CDH18: variants seen among roughly 807,000 people sequenced by gnomAD.
CDH18 encodes the protein cadherin 18.
CDH18 carries 31 observed loss-of-function variants against 67.9 expected under a neutral mutation model. The observed-to-expected ratio is 0.46, with a 90% CI of 0.34 to 0.62. The LOEUF is 0.62. Among genes scored for constraint, CDH18 ranks in the 20% least tolerant of loss-of-function variants. The probability of loss-of-function intolerance (pLI) is 0.01; values close to 1 mark genes in which losing one functional copy is unlikely to be tolerated. For synonymous variants in CDH18, 362 were observed against 347.2 expected, an observed-to-expected ratio of 1.04 and a Z score of -0.48; for missense variants, 890 against 975.5, an observed-to-expected ratio of 0.91 and a Z score of 1.17.
intron 2 of CDH18, among the ~76,000 whole-genome samples, chr5:20,179,638 A>C (rs1737524711): frequency 6.6e-6 from 1 of 152,154 alleles, no homozygotes; most frequent in South Asian, 2.1e-4. Flanking sequence ...CAGGGAGACA[A>C]GACATGGGAC....
chr5:19,783,056 G>A (rs1304323862), intron 3 of CDH18, among the ~76,000 whole-genome samples: 2 of 152,266 alleles, frequency 1.3e-5, no homozygotes, highest in African/African-American at 2.4e-5. Flanking sequence ...GATGTAAAAT[G>A]TATTTGAATG....
chr5:20,339,378 C>T lies in CDH18; in HGVS notation c.-579-83873G>A, dbSNP rs543031376. The stretch of plus-strand genomic sequence containing the variant: ...AACATGAGCGTAAATGGTCTGAGGT[C>T]CCATATGTATAAGCCTCCTTTGCTT... On this transcript the variant is annotated intron_variant, in intron 1 of 14. Transcript: ENST00000507958. 1.1e-4 allele frequency among the ~76,000 whole-genome samples: 16 copies of T among 152,192 alleles called. No homozygotes were observed. In the East Asian group the frequency reaches 3.1e-3, roughly 29 times the overall value.
intron 2 of CDH18, among the ~76,000 whole-genome samples, chr5:20,218,348 A>G (rs546437539): frequency 6.6e-6 from 1 of 152,148 alleles, no homozygotes; most frequent in East Asian, 1.9e-4. Flanking sequence ...ATAACTAGGA[A>G]TCAATAAAAT....
At chr5:20,007,611 A>T (rs1274648310) in intron 2 of CDH18, among the ~76,000 whole-genome samples, 1 of 151,854 alleles carries the variant, frequency 6.6e-6, no homozygotes, top group East Asian at 1.9e-4. Flanking sequence ...AGCAAGAGAG[A>T]GAGTAGCGGG....
chr5:19,995,043 C>T (rs1479831684), intron 2 of CDH18, among the ~76,000 whole-genome samples: 1 of 151,156 alleles, frequency 6.6e-6, no homozygotes, highest in African/African-American at 2.4e-5. Context: ...GATATTCCAG[C>T]TCAAGCAGAA....
chr5:19,475,170 C>T (rs1221498418), intron 12 of CDH18, among the ~76,000 whole-genome samples: 2 of 150,990 alleles, frequency 1.3e-5, no homozygotes, highest in Admixed American at 6.7e-5. Flanking sequence ...CTCAATTAAA[C>T]GTGAATTTGA....
chr5:20,480,419 G>A (rs1439175044), intron 1 of CDH18, among the ~76,000 whole-genome samples: 7 of 151,924 alleles, frequency 4.6e-5, no homozygotes, highest in Admixed American at 4.6e-4. Context: ...GAGTCTTTTT[G>A]TTTTTGTTTT....
chr5:20,022,069 G>T (rs1021679457), intron 2 of CDH18, among the ~76,000 whole-genome samples: 2 of 152,106 alleles, frequency 1.3e-5, no homozygotes, highest in African/African-American at 2.4e-5. Flanking sequence ...TAATCACAAT[G>T]TGTCTATTGT....
chr5:20,005,979 C>T (rs938945753), intron 2 of CDH18, among the ~76,000 whole-genome samples: 3 of 151,882 alleles, frequency 2.0e-5, no homozygotes, highest in Non-Finnish European at 4.4e-5. Context: ...TGGGCATTAA[C>T]ATATTTATTG....
At chr5:19,677,559 C>T (rs1480048196) in intron 5 of CDH18, among the ~76,000 whole-genome samples, 4 of 151,846 alleles carry the variant, frequency 2.6e-5, no homozygotes, top group Non-Finnish European at 5.9e-5. Context: ...GCCACACATG[C>T]CAATATTAAC....
At chr5:19,864,434 G>C (rs1259023430) in intron 2 of CDH18, among the ~76,000 whole-genome samples, 2 of 150,956 alleles carry the variant, frequency 1.3e-5, no homozygotes, top group East Asian at 2.0e-4. Flanking sequence ...TGCTACATGA[G>C]GAGTTAATGG....
At chr5:19,952,216 A>AT (rs1213203812) in intron 2 of CDH18, among the ~76,000 whole-genome samples, 2 of 151,950 alleles carry the variant, frequency 1.3e-5, no homozygotes, top group South Asian at 2.1e-4. Flanking sequence ...CACCTGGCTA[A>AT]TTTTTTGTGG....
chr5:19,486,098 A>G (rs914033498), intron 11 of CDH18, among the ~76,000 whole-genome samples: 8 of 152,120 alleles, frequency 5.3e-5, no homozygotes, highest in Admixed American at 4.6e-4. Flanking sequence ...TTTTGAAAAG[A>G]AAGGATGATT....
intron 2 of CDH18, among the ~76,000 whole-genome samples, chr5:20,191,381 T>G (rs1261627004): frequency 6.6e-6 from 1 of 152,140 alleles, no homozygotes; most frequent in East Asian, 1.9e-4. Context: ...TTTTTATTTC[T>G]GTCATTTTTT....
intron 9 of CDH18, among the ~76,000 whole-genome samples, chr5:19,530,904 C>T (rs1238681448): frequency 1.3e-5 from 2 of 151,958 alleles, no homozygotes; most frequent in East Asian, 1.9e-4. Context: ...TTGCGCTTCT[C>T]GAGTGAGGCA....
intron 3 of CDH18, among the ~76,000 whole-genome samples, chr5:19,762,812 A>T (rs11953557): frequency 5.3e-5 from 8 of 152,178 alleles, no homozygotes; most frequent in Non-Finnish European, 1.0e-4. Context: ...TGTTTGTTGC[A>T]GCACTATTCA....
intron 2 of CDH18, among the ~76,000 whole-genome samples, chr5:20,211,874 T>TC (rs35009705): frequency 0.7 from 105,681 of 151,862 alleles, 37,400 homozygotes; most frequent in African/African-American, 0.84. Flanking sequence ...GCACCTCTTC[T>TC]CTCCAAAGGA....
At chr5:20,485,671 C>G (rs1214251433) in intron 1 of CDH18, among the ~76,000 whole-genome samples, 1 of 151,884 alleles carries the variant, frequency 6.6e-6, no homozygotes. Context: ...GTAAGTAATA[C>G]TGAATTTAGT....
intron 2 of CDH18, among the ~76,000 whole-genome samples, chr5:19,859,702 C>A (rs1784674959): frequency 6.6e-6 from 1 of 152,140 alleles, no homozygotes; most frequent in Non-Finnish European, 1.5e-5. Flanking sequence ...GGAAGCCCCC[C>A]ATTTCCAGTT....
Sources: gnomAD v4.1 joint callset for allele counts (sites outside exome capture counted in the v4.1 genomes callset) on GRCh38, gnomAD v4.1.1 for gene constraint, MANE v1.5 for transcripts, NCBI Gene and HGNC (gene_info 2026-07-23, HGNC 2026-07-21) for gene names.